The following TAF4B variants were observed in gnomAD, a reference collection of about 807,000 sequenced individuals.
TAF4B encodes the protein TATA-box binding protein associated factor 4b.
Under a neutral mutation model 86.4 loss-of-function variants are expected in TAF4B, and 38 were observed. The ratio of observed to expected loss-of-function variants is 0.44; its 90% CI spans 0.34 to 0.58. TAF4B has a LOEUF of 0.58. Among genes scored for constraint, TAF4B ranks in the 20% least tolerant of loss-of-function variants. The pLI is 0.02. For missense variants in TAF4B, 988 were observed against 1,027.6 expected, an observed-to-expected ratio of 0.96 and a Z score of 0.53; for synonymous variants, 388 against 391.2, an observed-to-expected ratio of 0.99 and a Z score of 0.10.
intron 14 of TAF4B, among the ~76,000 whole-genome samples, chr18:26,368,900 G>A (rs116121983): frequency 6.6e-6 from 1 of 151,948 alleles, no homozygotes; most frequent in Non-Finnish European, 1.5e-5. Flanking sequence ...CATATTATTG[G>A]CTTATCATTT....
At chr18:26,295,927 T>G (rs967199433) in intron 9 of TAF4B, among the ~76,000 whole-genome samples, 2 of 152,116 alleles carry the variant, frequency 1.3e-5, no homozygotes, top group African/African-American at 4.8e-5. Context: ...TTCTGGTCTT[T>G]TGTAATTTTT....
At chr18:26,346,811 ATATATGTGTGTG>A (rs1230788169) in intron 13 of TAF4B, among the ~76,000 whole-genome samples, 3 of 29,988 alleles carry the variant, frequency 1.0e-4, no homozygotes, top group African/African-American at 1.4e-4. Context: ...GTATATATAT[ATATATGTGTGTG>A]TATATATATA....
At position 26,364,729 on chromosome 18, in the gene TAF4B, G is replaced by A. The variant is rs749904394; in HGVS notation, c.2421+6935G>A. Among the ~76,000 whole-genome samples the A allele has an allele frequency of 3.2e-3, 486 of 151,654 alleles. 1 individual carries two copies. Among genetic ancestry groups the A allele is most frequent in the Non-Finnish European group, 4.7e-3 (318 of 67,810 alleles). On this transcript the variant is annotated intron_variant, in intron 14 of 14. Transcript: ENST00000269142. ...AAAATCAATTTTTGGAGCTATGAAA[G>A]TATTAAGGAATTTCAGCATACTATT...
intron 1 of TAF4B, among the ~76,000 whole-genome samples, chr18:26,229,494 C>CTTTTTTTTTT (rs34261854): frequency 1.0e-4 from 13 of 129,364 alleles, no homozygotes; most frequent in Non-Finnish European, 9.7e-5. Flanking sequence ...TTCTTTCTTT[C>CTTTTTTTTTT]TTTTTTTTTT....
At chr18:26,294,565 A>C (rs1380299273) in intron 9 of TAF4B, among the ~76,000 whole-genome samples, 1 of 148,914 alleles carries the variant, frequency 6.7e-6, no homozygotes, top group African/African-American at 2.4e-5. Context: ...TATATAAAAT[A>C]AATTTTTATA....
At chr18:26,358,709 C>CA (rs1406464045) in intron 14 of TAF4B, among the ~76,000 whole-genome samples, 1 of 151,442 alleles carries the variant, frequency 6.6e-6, no homozygotes, top group African/African-American at 2.4e-5. Flanking sequence ...GACTCCGTCT[C>CA]AAAAAAATAA....
At chr18:26,245,250 C>T (rs1227591738) in intron 1 of TAF4B, among the ~76,000 whole-genome samples, 1 of 152,122 alleles carries the variant, frequency 6.6e-6, no homozygotes, top group Non-Finnish European at 1.5e-5. Context: ...CCTGAACAAG[C>T]CCCCAAGATG....
intron 9 of TAF4B, among the ~76,000 whole-genome samples, chr18:26,293,813 C>T (rs890185442): frequency 6.6e-6 from 1 of 152,188 alleles, no homozygotes; most frequent in Non-Finnish European, 1.5e-5. Context: ...CCCTTATCCC[C>T]TGCCTCTGGC....
chr18:26,345,000 TACAGTCCTTACTAC>T (rs2057165376), intron 13 of TAF4B, among the ~76,000 whole-genome samples: 1 of 152,142 alleles, frequency 6.6e-6, no homozygotes, highest in Non-Finnish European at 1.5e-5. Context: ...CACAAACGCA[TACAGTCCTTACTAC>T]AGGAGAATCC....
chr18:26,293,677 A>G, intron 9 of TAF4B, 146 bp downstream of exon 9: 1 of 547,226 alleles, frequency 1.8e-6, no homozygotes. Context: ...TTTATAAACA[A>G]TAAAATGCAC....
At chr18:26,351,460 T>G (rs1181411700) in intron 13 of TAF4B, among the ~76,000 whole-genome samples, 1 of 152,148 alleles carries the variant, frequency 6.6e-6, no homozygotes, top group Non-Finnish European at 1.5e-5. Flanking sequence ...GTAGGATGAC[T>G]ATAGTTAATA....
intron 13 of TAF4B, among the ~76,000 whole-genome samples, chr18:26,345,486 C>T (rs2057169550): frequency 1.3e-5 from 2 of 152,154 alleles, no homozygotes; most frequent in South Asian, 4.1e-4. Context: ...TATGTATATG[C>T]CTCTGACCTG....
intron 5 of TAF4B, among the ~76,000 whole-genome samples, chr18:26,280,432 A>G (rs944347245): frequency 6.6e-6 from 1 of 152,228 alleles, no homozygotes; most frequent in Non-Finnish European, 1.5e-5. Flanking sequence ...AAGGTCTAAT[A>G]TACAGAATCA....
At chr18:26,331,212 G>A (rs908943082) in intron 12 of TAF4B, among the ~76,000 whole-genome samples, 1 of 144,170 alleles carries the variant, frequency 6.9e-6, no homozygotes, top group Non-Finnish European at 1.5e-5. Context: ...TTGTAATGAG[G>A]TGGTTTATTG....
At chr18:26,295,988 T>TTGTG (rs34047998) in intron 9 of TAF4B, among the ~76,000 whole-genome samples, 60,911 of 149,910 alleles carry the variant, frequency 0.41, 13,022 homozygotes, top group Non-Finnish European at 0.5. Flanking sequence ...GTTCACGATT[T>TTGTG]TGTGTGTGTG....
chr18:26,306,085 A>T (rs985596155), intron 9 of TAF4B, among the ~76,000 whole-genome samples: 2 of 152,178 alleles, frequency 1.3e-5, no homozygotes, highest in African/African-American at 4.8e-5. Context: ...GGTGTTAGGG[A>T]TCCGTGCTCC....
chr18:26,245,294 G>A (rs1568100793), intron 1 of TAF4B, among the ~76,000 whole-genome samples: 1 of 152,122 alleles, frequency 6.6e-6, no homozygotes, highest in African/African-American at 2.4e-5. Flanking sequence ...CAGGTTTGTG[G>A]TCTCGCTGAC....
intron 3 of TAF4B, among the ~76,000 whole-genome samples, chr18:26,270,632 T>TA (rs1407378194): frequency 6.6e-6 from 1 of 152,200 alleles, no homozygotes; most frequent in Non-Finnish European, 1.5e-5. Context: ...TAGTAGTTTT[T>TA]ATAAAAGAGA....
chr18:26,345,468 A>G (rs969657023), intron 13 of TAF4B, among the ~76,000 whole-genome samples: 1 of 152,124 alleles, frequency 6.6e-6, no homozygotes, highest in Non-Finnish European at 1.5e-5. Flanking sequence ...TGGTGGACCC[A>G]CCATTTGTAT....
Sources: allele counts gnomAD v4.1 joint callset (sites outside exome capture counted in the v4.1 genomes callset), GRCh38; gene constraint gnomAD v4.1.1; transcripts MANE v1.5; gene names NCBI Gene and HGNC (gene_info 2026-07-23, HGNC 2026-07-21).